Variants in MRPL33 observed in about 807,000 individuals in gnomAD.
The protein encoded by MRPL33 is mitochondrial ribosomal protein L33, also known as large ribosomal subunit protein bL33m.
MRPL33 carries 5 observed loss-of-function variants against 10.1 expected under a neutral mutation model. The observed-to-expected ratio is 0.49, with a 90% CI of 0.26 to 1.04. The LOEUF (loss-of-function observed/expected upper bound fraction) is 1.04. Among genes scored for constraint, MRPL33 ranks in the 50% least tolerant of loss-of-function variants. MRPL33 has a pLI of 0.14. For missense variants in MRPL33, 79 were observed against 78.1 expected (o/e 1.01, Z -0.04); for synonymous variants, 24 against 27.7 (o/e 0.87, Z 0.42).
intron 1 of MRPL33, 48 bp from the exon 2 acceptor site, chr2:27,772,626 C>T: frequency 1.4e-6 from 2 of 1,438,974 alleles, no homozygotes; most frequent in East Asian, 2.4e-5. Flanking sequence ...AAAGAGAATA[C>T]ATTTATATTT....
chr2:27,777,599 C>T (rs7608048), intron 3 of MRPL33, among the ~76,000 whole-genome samples: 5,062 of 152,138 alleles, frequency 0.033, 283 homozygotes, highest in African/African-American at 0.12. Context: ...GTTTACTGGA[C>T]ATTTGTGTGG....
chr2:27,772,677 C>T lies in MRPL33; in HGVS notation c.26C>T (p.Ala9Val), dbSNP rs1213174013. 1.3e-6 allele frequency: 2 copies of T among 1,599,794 alleles called. No individual in the cohort carries two copies. Among genetic ancestry groups the T allele is most frequent in the East Asian group, 2.2e-5 (1 of 44,626 alleles). The stretch of plus-strand genomic sequence containing the variant: ...ACCCTTCCTGTCTACAAAAAAGTTG[C>T]CAAGAGCAAGTCAAAGTAAGTAAAG... MFLSAVFF[A>V]KSKSKNILVR... The change falls in exon 2 of 4, where the codon GCC (alanine) becomes GTC (valine). Residue 9 changes from alanine (A) to valine (V), a missense_variant. Coordinates refer to ENST00000296102, the MANE Select transcript of MRPL33 (RefSeq NM_004891.4).
chr2:27,779,295 C>A, intron 3 of MRPL33, 138 bp from the exon 4 acceptor site: 1 of 1,088,478 alleles, frequency 9.2e-7, no homozygotes, highest in Non-Finnish European at 1.3e-6. Flanking sequence ...ACTGAGTTTG[C>A]AAATCAGCTC....
chr2:27,778,922 A>G (rs1677224048), intron 3 of MRPL33, among the ~76,000 whole-genome samples: 1 of 152,200 alleles, frequency 6.6e-6, no homozygotes. Context: ...ATTTACAATA[A>G]TGAGATTTTG....
chr2:27,777,818 T>A lies in MRPL33; in HGVS notation c.149-1615T>A, dbSNP rs548565793. On this transcript the variant is annotated intron_variant, in intron 3 of 3. Coordinates refer to ENST00000296102, the MANE Select transcript of MRPL33 (RefSeq NM_004891.4). Reference sequence around the variant, plus strand: ...CTCCTAGTCAGGGTCATTTAAATAGTCTCCAGATTGCTTTTCAGTGAGACA... The same window carrying A: ...CTCCTAGTCAGGGTCATTTAAATAGACTCCAGATTGCTTTTCAGTGAGACA... Among the ~76,000 whole-genome samples, 79 of 152,260 alleles carry A rather than the reference T, an allele frequency of 5.2e-4. 2 individuals carry two copies. The South Asian group carries it at 0.016, about 31-fold the overall frequency.
chr2:27,777,955 T>C (rs1677206709), intron 3 of MRPL33, among the ~76,000 whole-genome samples: 2 of 152,234 alleles, frequency 1.3e-5, no homozygotes, highest in South Asian at 4.1e-4. Context: ...GGTTCTTTAC[T>C]ACCATCTTGT....
intron 3 of MRPL33, among the ~76,000 whole-genome samples, chr2:27,777,975 A>G (rs964036582): frequency 2.6e-5 from 4 of 152,190 alleles, no homozygotes; most frequent in African/African-American, 4.8e-5. Context: ...TAATGCATTA[A>G]TGCATTGTAG....
At chr2:27,772,778 AATT>A in intron 2 of MRPL33, 86 bp downstream of exon 2, 4 of 1,080,532 alleles carry the variant, frequency 3.7e-6, no homozygotes, top group Non-Finnish European at 5.4e-6. Context: ...CCTTATATGA[AATT>A]AAGCATTGGG....
intron 1 of MRPL33, 200 bp from the exon 2 acceptor site, chr2:27,772,474 T>C: frequency 1.9e-6 from 1 of 531,416 alleles, no homozygotes; most frequent in Non-Finnish European, 3.3e-6. Flanking sequence ...TTGGTCTGAT[T>C]GGATCTTTTA....
chr2:27,772,569 T>C, intron 1 of MRPL33, 105 bp from the exon 2 acceptor site: 1 of 859,968 alleles, frequency 1.2e-6, no homozygotes, highest in Non-Finnish European at 1.8e-6. Flanking sequence ...ATTTCATAAG[T>C]TAAATATTTT....
intron 3 of MRPL33, among the ~76,000 whole-genome samples, chr2:27,776,891 A>G (rs1165818947): frequency 2.0e-5 from 3 of 152,232 alleles, no homozygotes; most frequent in Non-Finnish European, 4.4e-5. Flanking sequence ...GTGTCCAGCA[A>G]CAACCTTGTG....
intron 3 of MRPL33, among the ~76,000 whole-genome samples, chr2:27,779,175 A>G (rs1213651116): frequency 1.3e-5 from 2 of 152,190 alleles, no homozygotes; most frequent in African/African-American, 2.4e-5. Flanking sequence ...CTTAATGTGA[A>G]TATTTCTTCA....
rs1677239349 is a variant in MRPL33, at chr2:27,779,612, G to C, written c.*130G>C. The C allele has an allele frequency of 6.4e-7, 1 of 1,556,018 alleles. No individual in the cohort carries two copies. The highest frequency in any genetic ancestry group is 2.3e-5 in the East Asian group (1 of 44,182). ...AATCACTGCCTCCTGTGATTTGAAG[G>C]CCATTGTGAAGGAAAACAATGCAGT... On this transcript the variant is annotated 3_prime_UTR_variant, in exon 4 of 4. Transcript: ENST00000296102.
intron 2 of MRPL33, chr2:27,772,902 T>C (rs773664562): frequency 3.8e-5 from 20 of 524,954 alleles, no homozygotes; most frequent in Middle Eastern, 4.8e-4. Flanking sequence ...TCTGTGAGCA[T>C]TGAAATACTT....
intron 3 of MRPL33, among the ~76,000 whole-genome samples, chr2:27,777,510 T>A (rs1677199690): frequency 6.6e-6 from 1 of 152,014 alleles, no homozygotes; most frequent in Admixed American, 6.6e-5. Flanking sequence ...TGATCTGTCT[T>A]CAGGGACCAA....
Position 27,779,464 on chromosome 2 carries a change from A to G in MRPL33, c.180A>G (p.Lys60=), listed in dbSNP as rs1188503712. 5.0e-6 allele frequency: 8 copies of G among 1,611,888 alleles called. No homozygotes were observed. Among genetic ancestry groups the G allele is most frequent in the Non-Finnish European group, 6.8e-6 (8 of 1,179,452 alleles). Residue 60 remains lysine, a synonymous_variant, in exon 4 of 4, where the codon AAA becomes AAG. Transcript: ENST00000296102. The part of the protein sequence containing the change: ...VKQRVLFVEK[K]KIRSL Reference sequence around the variant, plus strand: ...AAAGAGTCCTCTTCGTGGAAAAGAAAAAAATACGCTCCCTTTAAACGGTGG... The same window carrying G: ...AAAGAGTCCTCTTCGTGGAAAAGAAGAAAATACGCTCCCTTTAAACGGTGG...
In MRPL33 at chr2:27,774,537, T is replaced by A. The variant is rs1677112839; in HGVS notation, c.148+7T>A. 2 of 1,611,078 alleles carry A rather than the reference T, an allele frequency of 1.2e-6. No individual in the cohort carries two copies. The highest frequency in any genetic ancestry group is 3.3e-5 in the Admixed American group (2 of 59,992). On this transcript the variant is annotated splice_region_variant and intron_variant, in intron 3 of 3. Transcript: ENST00000296102. ...TTGCATTATGATCCAGTTGGTAAGA[T>A]CTGGGGAGGTTAATGCTTCCAAGGC...
chr2:27,777,788 A>G (rs1677203905), intron 3 of MRPL33, among the ~76,000 whole-genome samples: 1 of 152,152 alleles, frequency 6.6e-6, no homozygotes, highest in South Asian at 2.1e-4. Flanking sequence ...AACCTTAATC[A>G]GTTACTCCTA....
intron 3 of MRPL33, among the ~76,000 whole-genome samples, chr2:27,775,235 C>G (rs564169322): frequency 5.9e-5 from 9 of 152,112 alleles, no homozygotes; most frequent in South Asian, 2.1e-4. Context: ...CACCTGATTG[C>G]TGTTGGTGGA....
Sources: allele counts gnomAD v4.1 joint callset (sites outside exome capture counted in the v4.1 genomes callset), GRCh38; gene constraint gnomAD v4.1.1; transcripts MANE v1.5; gene names NCBI Gene and HGNC (gene_info 2026-07-23, HGNC 2026-07-21).